The following CSMD1 variants were observed in gnomAD, a reference collection of about 807,000 sequenced individuals.
CSMD1 encodes CUB and sushi domain-containing protein 1.
A neutral mutation model predicts 417.5 loss-of-function variants in CSMD1; 213 were observed. That is an observed-to-expected ratio of 0.51 (90% CI 0.46 to 0.57). The LOEUF is 0.57. Ranked by LOEUF, CSMD1 falls within the 20% of genes least tolerant of loss-of-function variation. CSMD1 has a pLI of 0.00. For synonymous variants in CSMD1, 2,862 were observed against 1,736.8 expected (o/e 1.65, Z -16.11); for missense variants, 6,923 against 4,529.7 (o/e 1.53, Z -15.17).
chr8:3,531,604 G>A lies in CSMD1; in HGVS notation c.1345-37878C>T, dbSNP rs192442246. 6.3e-3 allele frequency among the ~76,000 whole-genome samples: 962 copies of A among 152,260 alleles called. 6 individuals carry two copies. Among genetic ancestry groups the A allele is most frequent in the Non-Finnish European group, 0.01 (692 of 68,016 alleles). On this transcript the variant is annotated intron_variant, in intron 10 of 69. Transcript: ENST00000635120. ...CATCTGTGGTCTGGCCCCGTGGGAG[G>A]CTGGTCCACTCCAGGTTATGTGTTA...
At chr8:4,635,907 C>T (rs1802786463) in intron 2 of CSMD1, among the ~76,000 whole-genome samples, 1 of 151,650 alleles carries the variant, frequency 6.6e-6, no homozygotes, top group Non-Finnish European at 1.5e-5. Flanking sequence ...GAAAGGTAAA[C>T]ATGCTACTAA....
At chr8:4,036,120 C>G (rs562826797) in intron 3 of CSMD1, among the ~76,000 whole-genome samples, 1 of 152,200 alleles carries the variant, frequency 6.6e-6, no homozygotes, top group Non-Finnish European at 1.5e-5. Flanking sequence ...TACTAGGCTA[C>G]ACCACACATC....
chr8:3,719,577 A>G (rs1041788748), intron 6 of CSMD1, among the ~76,000 whole-genome samples: 2 of 152,142 alleles, frequency 1.3e-5, no homozygotes, highest in Non-Finnish European at 2.9e-5. Context: ...GCAATAATAC[A>G]TCTCTTGCAA....
chr8:4,256,318 A>C (rs960934402), intron 3 of CSMD1, among the ~76,000 whole-genome samples: 1 of 152,204 alleles, frequency 6.6e-6, no homozygotes, highest in Non-Finnish European at 1.5e-5. Flanking sequence ...AATTTTGCAG[A>C]AAGACCAGCT....
At chr8:3,655,802 G>C (rs951095125) in intron 7 of CSMD1, among the ~76,000 whole-genome samples, 3 of 152,048 alleles carry the variant, frequency 2.0e-5, no homozygotes, top group Middle Eastern at 3.4e-3. Context: ...TAGCAAGAAA[G>C]AAAGTCTTCC....
rs77062371 is a variant in CSMD1, at chr8:3,295,533, C to G, written c.3951-11187G>C. 2.9e-3 allele frequency among the ~76,000 whole-genome samples: 443 copies of G among 152,210 alleles called. 1 individual carries two copies. Among genetic ancestry groups the G allele is most frequent in the South Asian group, 5.4e-3 (26 of 4,824 alleles). Reference sequence around the variant, plus strand: ...AGTGTTTTATTTTCGTAGTTCCTTACTAAAGGTCAGTTTGTTTCTACATTT... The same window carrying G: ...AGTGTTTTATTTTCGTAGTTCCTTAGTAAAGGTCAGTTTGTTTCTACATTT... On this transcript the variant is annotated intron_variant, in intron 25 of 69. Coordinates refer to ENST00000635120, the MANE Select transcript of CSMD1 (RefSeq NM_033225.6).
chr8:4,340,786 G>T (rs1292932364), intron 3 of CSMD1, among the ~76,000 whole-genome samples: 1 of 152,062 alleles, frequency 6.6e-6, no homozygotes, highest in Non-Finnish European at 1.5e-5. Context: ...CATAATGGTT[G>T]CTTCTAGAGA....
chr8:3,928,167 AGC>A (rs1809879489), intron 5 of CSMD1, among the ~76,000 whole-genome samples: 1 of 152,218 alleles, frequency 6.6e-6, no homozygotes. Context: ...ATTTCAATGA[AGC>A]AGCTCAGAAA....
At position 3,479,133 on chromosome 8, in the gene CSMD1, G is replaced by C. The variant is rs548627997; in HGVS notation, c.1449-10309C>G. On this transcript the variant is annotated intron_variant, in intron 11 of 69. Transcript: ENST00000635120. ...ACTGAGCAGATAAAAGTAAACCCTT[G>C]AAGCCTCCAATAGTCAAATTATCAT... is the stretch of plus-strand genomic sequence containing the variant. 1.4e-3 allele frequency among the ~76,000 whole-genome samples: 213 copies of C among 152,144 alleles called. 1 individual carries two copies. Among genetic ancestry groups the C allele is most frequent in the African/African-American group, 5.0e-3 (207 of 41,524 alleles).
chr8:4,379,676 G>A lies in CSMD1; in HGVS notation c.415+40277C>T, dbSNP rs527287871. On this transcript the variant is annotated intron_variant, in intron 3 of 69. Coordinates refer to ENST00000635120, the MANE Select transcript of CSMD1 (RefSeq NM_033225.6). Reference sequence around the variant, plus strand: ...ACTTTTTTTGAAATTAGTTCTTACAGGGGAAGAGGGCAATGAAGCAACAAT... The same window carrying A: ...ACTTTTTTTGAAATTAGTTCTTACAAGGGAAGAGGGCAATGAAGCAACAAT... 3.4e-4 allele frequency among the ~76,000 whole-genome samples: 51 copies of A among 151,756 alleles called. 1 individual carries two copies. Among genetic ancestry groups the A allele is most frequent in the South Asian group, 1.9e-3 (9 of 4,788 alleles).
intron 4 of CSMD1, among the ~76,000 whole-genome samples, chr8:4,015,661 T>TAAAAA (rs11371186): frequency 4.4e-4 from 43 of 97,464 alleles, no homozygotes; most frequent in African/African-American, 1.8e-3. Flanking sequence ...GTTTGAATCT[T>TAAAAA]AAAAAAAAAA....
intron 1 of CSMD1, among the ~76,000 whole-genome samples, chr8:4,886,418 G>C (rs1803744159): frequency 6.6e-6 from 1 of 151,666 alleles, no homozygotes; most frequent in Non-Finnish European, 1.5e-5. Context: ...GTTTTGTTGA[G>C]GAAATTTGCA....
chr8:3,217,753 G>T (rs1052468794), intron 29 of CSMD1, among the ~76,000 whole-genome samples: 1 of 152,082 alleles, frequency 6.6e-6, no homozygotes, highest in Non-Finnish European at 1.5e-5. Context: ...ACCCCTAAGT[G>T]TGCAGATTCT....
At chr8:3,869,952 T>C (rs959675164) in intron 5 of CSMD1, among the ~76,000 whole-genome samples, 6 of 151,814 alleles carry the variant, frequency 4.0e-5, no homozygotes, top group Non-Finnish European at 7.3e-5. Context: ...GCTAGCTATA[T>C]GTCATCTATA....
intron 5 of CSMD1, among the ~76,000 whole-genome samples, chr8:3,796,459 ATCTATCATGTATATAGATATC>A: frequency 7.2e-6 from 1 of 138,734 alleles, no homozygotes; most frequent in Non-Finnish European, 1.5e-5. Flanking sequence ...AGATATAGAT[ATCTATCATGTATATAGATATC>A]TATCTATCAT....
intron 17 of CSMD1, among the ~76,000 whole-genome samples, chr8:3,393,500 G>C (rs541010738): frequency 3.3e-5 from 5 of 152,076 alleles, no homozygotes; most frequent in African/African-American, 1.2e-4. Flanking sequence ...TTTTTCATGT[G>C]TCTGTTGGCT....
chr8:4,101,398 G>A (rs1182797624), intron 3 of CSMD1, among the ~76,000 whole-genome samples: 1 of 152,080 alleles, frequency 6.6e-6, no homozygotes, highest in East Asian at 1.9e-4. Context: ...TCCCACTCAG[G>A]TTGGTTGGGC....
chr8:4,415,972 A>C (rs950618784), intron 3 of CSMD1, among the ~76,000 whole-genome samples: 3 of 152,184 alleles, frequency 2.0e-5, no homozygotes, highest in African/African-American at 7.2e-5. Context: ...GGGAAACTAA[A>C]GTACTGCAGT....
chr8:3,363,903 G>T (rs928068365), intron 20 of CSMD1, among the ~76,000 whole-genome samples: 1 of 152,124 alleles, frequency 6.6e-6, no homozygotes, highest in African/African-American at 2.4e-5. Flanking sequence ...GATTGTGCAG[G>T]TTTATCTAAG....
Sources: gnomAD v4.1 joint callset for allele counts (sites outside exome capture counted in the v4.1 genomes callset) on GRCh38, gnomAD v4.1.1 for gene constraint, MANE v1.5 for transcripts, NCBI Gene and HGNC (gene_info 2026-07-23, HGNC 2026-07-21) for gene names.